Variants in ANO2 observed in about 807,000 individuals in gnomAD.
The protein encoded by ANO2 is anoctamin-2.
Under a neutral mutation model 124.2 loss-of-function variants are expected in ANO2, and 101 were observed. That is an observed-to-expected ratio of 0.81 (90% CI 0.69 to 0.96). The LOEUF (loss-of-function observed/expected upper bound fraction) is 0.96, where lower values mean the gene tolerates loss of function less well. Ranked by LOEUF, ANO2 falls within the 40% of genes least tolerant of loss-of-function variation. The pLI, the probability that ANO2 is intolerant of heterozygous loss-of-function variation, is 0.00. For synonymous variants in ANO2, 486 were observed against 482.5 expected (o/e 1.01, Z -0.09); for missense variants, 1,293 against 1,274.5 (o/e 1.01, Z -0.22).
chr12:5,613,925 G>A (rs1944669089), intron 17 of ANO2, among the ~76,000 whole-genome samples: 1 of 152,132 alleles, frequency 6.6e-6, no homozygotes, highest in Admixed American at 6.6e-5. Flanking sequence ...TCTTAATATG[G>A]ACAGTCTCTC....
intron 7 of ANO2, among the ~76,000 whole-genome samples, chr12:5,816,069 C>A (rs1348051046): frequency 6.6e-6 from 1 of 151,202 alleles, no homozygotes; most frequent in African/African-American, 2.4e-5. Context: ...AATGACCATA[C>A]AAAAGATAAT....
intron 20 of ANO2, among the ~76,000 whole-genome samples, chr12:5,593,998 G>A (rs1943535304): frequency 6.6e-6 from 1 of 152,086 alleles, no homozygotes; most frequent in African/African-American, 2.4e-5. Flanking sequence ...AGAGATGAAC[G>A]AAACCTAATC....
At chr12:5,871,622 T>A (rs57049008) in intron 3 of ANO2, among the ~76,000 whole-genome samples, 1 of 152,060 alleles carries the variant, frequency 6.6e-6, no homozygotes, top group African/African-American at 2.4e-5. Context: ...ATGCTCCTTA[T>A]GAGAATTTAA....
intron 10 of ANO2, among the ~76,000 whole-genome samples, chr12:5,771,029 T>C (rs758090844): frequency 2.0e-5 from 3 of 152,228 alleles, no homozygotes; most frequent in Admixed American, 6.5e-5. Flanking sequence ...ATGACAATGA[T>C]CACTACCTAA....
chr12:5,682,280 A>G (rs191198686), intron 14 of ANO2, among the ~76,000 whole-genome samples: 192 of 152,322 alleles, frequency 1.3e-3, no homozygotes, highest in Non-Finnish European at 1.8e-3. Flanking sequence ...ATTGAATTAT[A>G]GACTCTTGAT....
At chr12:5,759,598 C>T (rs975327830) in intron 10 of ANO2, among the ~76,000 whole-genome samples, 3 of 148,058 alleles carry the variant, frequency 2.0e-5, no homozygotes, top group African/African-American at 7.5e-5. Context: ...TTGTGAACTG[C>T]GCATGGGAGG....
intron 11 of ANO2, among the ~76,000 whole-genome samples, chr12:5,747,153 A>C (rs1951290541): frequency 6.6e-6 from 1 of 152,214 alleles, no homozygotes; most frequent in South Asian, 2.1e-4. Context: ...GCCCCTCTGT[A>C]CTATCTTTGC....
chr12:5,811,286 G>A (rs369543458), intron 7 of ANO2, among the ~76,000 whole-genome samples: 15 of 152,314 alleles, frequency 9.8e-5, no homozygotes, highest in African/African-American at 3.4e-4. Context: ...AGAACTCCCA[G>A]ACGGTGCATT....
chr12:5,754,194 T>A (rs1951515371), intron 10 of ANO2, among the ~76,000 whole-genome samples: 1 of 152,204 alleles, frequency 6.6e-6, no homozygotes, highest in African/African-American at 2.4e-5. Flanking sequence ...TCTATTGAGA[T>A]GTTCATGTGA....
chr12:5,889,095 C>T (rs1181175946), intron 3 of ANO2, among the ~76,000 whole-genome samples: 1 of 152,228 alleles, frequency 6.6e-6, no homozygotes, highest in Non-Finnish European at 1.5e-5. Context: ...GGCCCAGGTG[C>T]TAAGCCTCTC....
At position 5,636,192 on chromosome 12, in the gene ANO2, A is replaced by G. The variant is rs1398036871; in HGVS notation, c.1621-845T>C. On this transcript the variant is annotated intron_variant, in intron 15 of 24. Transcript: ENST00000682330. This position sits in a 1 kb window ranked among gnomAD's most constrained non-coding sequence, Gnocchi z 4.6. ...CATTTCCTCTCTCTAGAACCTAAGA[A>G]TAAGAAGGGACTCTCTTAGACCTAG... 6.6e-6 allele frequency among the ~76,000 whole-genome samples: 1 copy of G among 152,156 alleles called. No homozygotes were observed. Among genetic ancestry groups the G allele is most frequent in the East Asian group, 1.9e-4 (1 of 5,178 alleles).
At chr12:5,762,324 C>G (rs1464509855) in intron 10 of ANO2, among the ~76,000 whole-genome samples, 2 of 151,920 alleles carry the variant, frequency 1.3e-5, no homozygotes, top group Non-Finnish European at 2.9e-5. Flanking sequence ...CTGTTTGACA[C>G]TGAAAAATTG....
intron 10 of ANO2, among the ~76,000 whole-genome samples, chr12:5,774,262 C>G (rs1952165499): frequency 6.6e-6 from 1 of 152,062 alleles, no homozygotes; most frequent in Non-Finnish European, 1.5e-5. Flanking sequence ...TGAAACCAGC[C>G]TAGGGAAAAT....
At chr12:5,646,658 A>G (rs141889774) in intron 15 of ANO2, among the ~76,000 whole-genome samples, 1 of 152,318 alleles carries the variant, frequency 6.6e-6, no homozygotes, top group East Asian at 1.9e-4. Context: ...GCAGCTTAAC[A>G]CACGGCAACT....
chr12:5,780,528 A>G (rs10849337), intron 10 of ANO2, among the ~76,000 whole-genome samples: 28,693 of 152,284 alleles, frequency 0.19, 3,196 homozygotes, highest in Middle Eastern at 0.24. Context: ...AGAAACTTCC[A>G]TTAGCACATC....
chr12:5,856,697 G>T (rs1267985656), intron 3 of ANO2: 1 of 152,240 alleles, frequency 6.6e-6, no homozygotes, highest in Non-Finnish European at 1.5e-5. Flanking sequence ...ACAGCAAAGT[G>T]TCAAGAGAGA....
At chr12:5,929,697 A>G (rs1360027068) in intron 1 of ANO2, among the ~76,000 whole-genome samples, 1 of 142,500 alleles carries the variant, frequency 7.0e-6, no homozygotes, top group African/African-American at 2.7e-5. Context: ...TTACTAGTCT[A>G]TCTTCTTTCC....
At chr12:5,598,282 T>A (rs1318036943) in intron 20 of ANO2, among the ~76,000 whole-genome samples, 1 of 152,110 alleles carries the variant, frequency 6.6e-6, no homozygotes, top group Non-Finnish European at 1.5e-5. Context: ...AAACATTGAG[T>A]GATTTTTTTG....
intron 7 of ANO2, among the ~76,000 whole-genome samples, chr12:5,820,322 T>C (rs995689143): frequency 2.0e-5 from 3 of 152,184 alleles, no homozygotes; most frequent in African/African-American, 7.2e-5. Flanking sequence ...TGGGGACTAC[T>C]GGTCATTGGC....
Sources: gnomAD v4.1 joint callset for allele counts (sites outside exome capture counted in the v4.1 genomes callset) on GRCh38, gnomAD v4.1.1 for gene constraint, Gnocchi (gnomAD v3.1) non-coding constraint, MANE v1.5 for transcripts, NCBI Gene and HGNC (gene_info 2026-07-23, HGNC 2026-07-21) for gene names.